The following SH3RF3 variants were observed in gnomAD, a reference collection of about 807,000 sequenced individuals.
SH3RF3 encodes the protein E3 ubiquitin-protein ligase SH3RF3.
In SH3RF3, 29 loss-of-function variants were observed where a neutral mutation model predicts 66.3. That is an observed-to-expected ratio of 0.44 (90% CI 0.33 to 0.60). SH3RF3 has a LOEUF of 0.60. Ranked by LOEUF, SH3RF3 falls within the 20% of genes least tolerant of loss-of-function variation. The pLI, the probability that SH3RF3 is intolerant of heterozygous loss-of-function variation, is 0.04. For synonymous variants in SH3RF3, 583 were observed against 532.0 expected (o/e 1.10, Z -1.32); for missense variants, 1,194 against 1,190.9 (o/e 1.00, Z -0.04).
intron 2 of SH3RF3, among the ~76,000 whole-genome samples, chr2:109,352,740 C>T (rs1682867501): frequency 6.6e-6 from 1 of 152,192 alleles, no homozygotes; most frequent in African/African-American, 2.4e-5. Flanking sequence ...CCTGCAGCCA[C>T]CTCTGTGCAC....
chr2:109,443,166 A>C (rs1573255890), intron 7 of SH3RF3, among the ~76,000 whole-genome samples: 1 of 152,382 alleles, frequency 6.6e-6, no homozygotes, highest in South Asian at 2.1e-4. Flanking sequence ...ATCTCACATA[A>C]ATTATCATCT....
chr2:109,301,308 T>C (rs1681460378), intron 1 of SH3RF3, among the ~76,000 whole-genome samples: 2 of 146,102 alleles, frequency 1.4e-5, no homozygotes, highest in Admixed American at 6.8e-5. Flanking sequence ...GTGTATGTGG[T>C]GGGGGGCGGG....
intron 1 of SH3RF3, among the ~76,000 whole-genome samples, chr2:109,293,714 T>C (rs1233323963): frequency 7.2e-5 from 11 of 152,262 alleles, no homozygotes; most frequent in Admixed American, 7.2e-4. Context: ...AATGTTCATG[T>C]TGGCTGTCAG....
chr2:109,401,702 C>T, intron 4 of SH3RF3, among the ~76,000 whole-genome samples: 1 of 152,196 alleles, frequency 6.6e-6, no homozygotes, highest in East Asian at 1.9e-4. Context: ...GTGGGCTCAG[C>T]ACACACAGGT....
chr2:109,230,616 A>G (rs540571017), intron 1 of SH3RF3, among the ~76,000 whole-genome samples: 9 of 152,286 alleles, frequency 5.9e-5, no homozygotes, highest in Admixed American at 1.3e-4. Context: ...CTGTAACCCC[A>G]TTGTAAGTCA....
chr2:109,215,124 C>T (rs1281580451), intron 1 of SH3RF3, among the ~76,000 whole-genome samples: 1 of 152,148 alleles, frequency 6.6e-6, no homozygotes, highest in African/African-American at 2.4e-5. Flanking sequence ...CACAATTGAC[C>T]GTGTTAAGCA....
chr2:109,456,477 C>A (rs1231909487), intron 8 of SH3RF3, among the ~76,000 whole-genome samples: 6 of 152,212 alleles, frequency 3.9e-5, no homozygotes, highest in Non-Finnish European at 8.8e-5. Context: ...GGAGTGGCAA[C>A]CTTTCTCTAA....
chr2:109,429,824 G>A (rs1469289310), intron 5 of SH3RF3, among the ~76,000 whole-genome samples: 1 of 152,230 alleles, frequency 6.6e-6, no homozygotes, highest in African/African-American at 2.4e-5. Flanking sequence ...CACCCGAGCA[G>A]AGGTAGCCCT....
intron 1 of SH3RF3, among the ~76,000 whole-genome samples, chr2:109,286,061 G>A (rs73955508): frequency 0.029 from 4,439 of 152,302 alleles, 220 homozygotes; most frequent in African/African-American, 0.1. Context: ...TTTCTGACAT[G>A]GAGAGGTGGA....
rs369772984 is a variant in SH3RF3, at chr2:109,501,630, C to T, written c.2608C>T (p.Arg870Cys). 5.9e-5 allele frequency: 46 copies of T among 777,314 alleles called. No homozygotes were observed. Among genetic ancestry groups the T allele is most frequent in the Admixed American group, 1.2e-4 (7 of 58,574 alleles). The allele number at this position is 777,314 out of a possible 1,614,324, so 48.2% of individuals were successfully genotyped here. The stretch of plus-strand genomic sequence containing the variant: ...CAAGGGGACCCTGCAGCGGAACGGC[C>T]GCACAGGCCTCTTCCCGGGCAGCTT... The part of the protein sequence containing the change: ...WYKGTLQRNG[R>C]TGLFPGSFVE... Residue 870 changes from arginine (R) to cysteine (C), a missense_variant, in exon 10 of 10, where the codon CGC (arginine) becomes TGC (cysteine). Coordinates refer to ENST00000309415, the MANE Select transcript of SH3RF3 (RefSeq NM_001099289.3).
chr2:109,287,149 A>G (rs1681046969), intron 1 of SH3RF3, among the ~76,000 whole-genome samples: 1 of 152,174 alleles, frequency 6.6e-6, no homozygotes, highest in Non-Finnish European at 1.5e-5. Context: ...GTCCAGAGAT[A>G]AAAAAGACCC....
intron 1 of SH3RF3, among the ~76,000 whole-genome samples, chr2:109,241,400 G>A (rs1050560208): frequency 6.6e-6 from 1 of 152,198 alleles, no homozygotes; most frequent in African/African-American, 2.4e-5. Flanking sequence ...AGGGCCATAT[G>A]GGTATAGATG....
chr2:109,266,159 G>A lies in SH3RF3; in HGVS notation c.574-81515G>A, dbSNP rs952455566. On this transcript the variant is annotated intron_variant, in intron 1 of 9. Transcript: ENST00000309415. The stretch of plus-strand genomic sequence containing the variant: ...TAGGTGCATGTGTGCTGTGTGTGTT[G>A]TGTATGGTGTGTGTTGTGCGTGCAT... Among the ~76,000 whole-genome samples the A allele has an allele frequency of 6.6e-5, 10 of 151,672 alleles. 1 individual carries two copies. Among genetic ancestry groups the A allele is most frequent in the African/African-American group, 2.4e-4 (10 of 41,366 alleles).
At chr2:109,172,616 C>A (rs1677812226) in intron 1 of SH3RF3, among the ~76,000 whole-genome samples, 1 of 152,180 alleles carries the variant, frequency 6.6e-6, no homozygotes, top group Non-Finnish European at 1.5e-5. Context: ...TTTGAATCAG[C>A]AGCATCACCT....
chr2:109,392,067 C>T (rs556077336), intron 3 of SH3RF3, among the ~76,000 whole-genome samples: 1 of 152,274 alleles, frequency 6.6e-6, no homozygotes, highest in South Asian at 2.1e-4. Flanking sequence ...CAGCCTGCCT[C>T]GGCCTCCCAA....
At chr2:109,448,954 C>T (rs1677787407) in intron 7 of SH3RF3, among the ~76,000 whole-genome samples, 1 of 152,174 alleles carries the variant, frequency 6.6e-6, no homozygotes, top group Admixed American at 6.5e-5. Context: ...TGGCAGGGCC[C>T]CCTGATCCCT....
Position 109,447,147 on chromosome 2 carries a change from T to TAA in SH3RF3, c.1829-2003_1829-2002dup, listed in dbSNP as rs61240132. ...CAACCCAGCTGAAGCCCTGAATATT[T>TAA]AAAAAAAAAAAAAAAAAAAAAGAAA... On this transcript the variant is annotated intron_variant, in intron 7 of 9. Coordinates refer to ENST00000309415, the MANE Select transcript of SH3RF3 (RefSeq NM_001099289.3). 1.5e-3 allele frequency among the ~76,000 whole-genome samples: 121 copies of TAA among 82,692 alleles called. 1 individual carries two copies. The highest frequency in any genetic ancestry group is 3.5e-3 in the African/African-American group (91 of 26,078). 54.2% of individuals were successfully genotyped at this position (82,692 alleles called of 152,430 possible).
At chr2:109,433,375 T>C (rs900719055) in intron 6 of SH3RF3, among the ~76,000 whole-genome samples, 3 of 152,256 alleles carry the variant, frequency 2.0e-5, no homozygotes. Context: ...TCTACTACTT[T>C]TATCAAATAG....
At chr2:109,285,966 T>A (rs1295338389) in intron 1 of SH3RF3, among the ~76,000 whole-genome samples, 1 of 152,202 alleles carries the variant, frequency 6.6e-6, no homozygotes, top group Non-Finnish European at 1.5e-5. Context: ...TGAGGGTCCA[T>A]GGCCTGCAGG....
Sources: allele counts gnomAD v4.1 joint callset (sites outside exome capture counted in the v4.1 genomes callset), GRCh38; gene constraint gnomAD v4.1.1; transcripts MANE v1.5; gene names NCBI Gene and HGNC (gene_info 2026-07-23, HGNC 2026-07-21).